ST8SIA2: variants seen among roughly 807,000 people sequenced by gnomAD.
The protein encoded by ST8SIA2 is alpha-2,8-sialyltransferase 8B.
Under a neutral mutation model 37.6 loss-of-function variants are expected in ST8SIA2, and 22 were observed. That is an observed-to-expected ratio of 0.58 (90% CI 0.42 to 0.83). ST8SIA2 has a LOEUF of 0.83. ST8SIA2 is among the 40% of genes least tolerant of loss of function. The pLI, the probability that ST8SIA2 is intolerant of heterozygous loss-of-function variation, is 0.00. For synonymous variants in ST8SIA2, 205 were observed against 201.2 expected (o/e 1.02, Z -0.16); for missense variants, 382 against 484.7 (o/e 0.79, Z 1.99).
chr15:92,457,913 A>G (rs1297062355), intron 5 of ST8SIA2, among the ~76,000 whole-genome samples: 1 of 152,182 alleles, frequency 6.6e-6, no homozygotes, highest in East Asian at 1.9e-4. Context: ...ATTCTGGGTG[A>G]AAAGCCTGGC....
intron 3 of ST8SIA2, among the ~76,000 whole-genome samples, chr15:92,435,942 A>T (rs1313634953): frequency 1.3e-5 from 2 of 151,896 alleles, no homozygotes; most frequent in Non-Finnish European, 2.9e-5. Flanking sequence ...AATTCTGAGC[A>T]CCCCCTTGCA....
rs34061544 is a variant in ST8SIA2, at chr15:92,418,462, C to CAA, written c.99-11567_99-11566dup. 2.1e-3 allele frequency among the ~76,000 whole-genome samples: 212 copies of CAA among 100,018 alleles called. 1 individual carries two copies. The highest frequency in any genetic ancestry group is 0.012 in the East Asian group (47 of 3,882). 65.6% of individuals were successfully genotyped at this position (100,018 alleles called of 152,430 possible). A position where few individuals can be genotyped will look rare whatever the true frequency, so the allele number is the denominator to read the frequency against. The stretch of plus-strand genomic sequence containing the variant: ...GGGCGACAGGAGTGAGACCCTCCCT[C>CAA]AAAAAAAAAAAAAAAAAAAAAGGCT... On this transcript the variant is annotated intron_variant, in intron 1 of 5. Coordinates refer to ENST00000268164, the MANE Select transcript of ST8SIA2 (RefSeq NM_006011.4).
chr15:92,394,734 T>A (rs1219881846), intron 1 of ST8SIA2, among the ~76,000 whole-genome samples: 1 of 151,952 alleles, frequency 6.6e-6, no homozygotes, highest in Non-Finnish European at 1.5e-5. Flanking sequence ...GAGCCCGGCG[T>A]AGGAGCTGGC....
intron 1 of ST8SIA2, among the ~76,000 whole-genome samples, chr15:92,412,195 A>G (rs992513519): frequency 6.6e-6 from 1 of 152,028 alleles, no homozygotes; most frequent in East Asian, 1.9e-4. Context: ...GAAGTGGGTG[A>G]GGGGTGGAGG....
intron 5 of ST8SIA2, among the ~76,000 whole-genome samples, chr15:92,447,129 G>A (rs897552498): frequency 1.3e-5 from 2 of 152,174 alleles, no homozygotes; most frequent in Non-Finnish European, 2.9e-5. Context: ...TTATGGCATG[G>A]GATATCTAAG....
At chr15:92,436,056 A>G (rs1567218778) in intron 3 of ST8SIA2, among the ~76,000 whole-genome samples, 1 of 151,508 alleles carries the variant, frequency 6.6e-6, no homozygotes, top group African/African-American at 2.4e-5. Flanking sequence ...CTGTGCTTCT[A>G]TCTTCTTCTC....
intron 3 of ST8SIA2, 52 bp downstream of exon 3, chr15:92,434,427 C>T (rs754812592): frequency 2.6e-5 from 42 of 1,612,724 alleles, no homozygotes; most frequent in Admixed American, 6.7e-5. Context: ...TGAGCATACA[C>T]GGGCAAATTG....
chr15:92,457,082 C>T (rs939677621), intron 5 of ST8SIA2, among the ~76,000 whole-genome samples: 1 of 152,220 alleles, frequency 6.6e-6, no homozygotes. Flanking sequence ...CTGTAGGGCC[C>T]CTGGATCACG....
rs2049828860 is a variant in ST8SIA2 at position 92,444,776 on chromosome 15, T to C, written c.689T>C (p.Leu230Pro). 2 of 1,614,014 alleles carry C rather than the reference T, an allele frequency of 1.2e-6. No homozygotes were observed. Among genetic ancestry groups the C allele is most frequent in the Non-Finnish European group, 1.7e-6 (2 of 1,180,044 alleles). The change falls in exon 5 of 6, where the codon CTG becomes CCG. Residue 230 changes from leucine to proline, a missense_variant. Leu to Pro is a moderately conservative substitution (Grantham distance 98). Coordinates refer to ENST00000268164, the MANE Select transcript of ST8SIA2 (RefSeq NM_006011.4). ...TGGCGGGAGAAGCTGCTGCAACGGC[T>C]GCACAGCCTCAATGGCAGCATCCTG... ...ATWREKLLQRLHSLNGSILWI... is the reference protein window; with the variant it reads ...ATWREKLLQRPHSLNGSILWI...
At chr15:92,463,231 C>T (rs997613629) in intron 5 of ST8SIA2, among the ~76,000 whole-genome samples, 1 of 152,250 alleles carries the variant, frequency 6.6e-6, no homozygotes, top group Non-Finnish European at 1.5e-5. Context: ...CTTCTCTCTT[C>T]ACTTCTCTTT....
intron 1 of ST8SIA2, among the ~76,000 whole-genome samples, chr15:92,419,779 C>T (rs1161678340): frequency 6.6e-6 from 1 of 152,124 alleles, no homozygotes. Flanking sequence ...TATGTATTGC[C>T]CTGGGTTTTA....
intron 1 of ST8SIA2, among the ~76,000 whole-genome samples, chr15:92,398,342 A>G (rs1227880168): frequency 2.0e-5 from 3 of 152,234 alleles, no homozygotes; most frequent in Non-Finnish European, 2.9e-5. Context: ...TTGTAACCCA[A>G]TGTCCTAATC....
intron 3 of ST8SIA2, among the ~76,000 whole-genome samples, chr15:92,436,809 G>A (rs188127726): frequency 2.0e-5 from 3 of 152,302 alleles, no homozygotes; most frequent in African/African-American, 7.2e-5. Context: ...AAAGACAATG[G>A]ATGAGACGCG....
intron 3 of ST8SIA2, among the ~76,000 whole-genome samples, chr15:92,438,033 C>T (rs569055689): frequency 1.3e-5 from 2 of 152,286 alleles, no homozygotes; most frequent in Non-Finnish European, 2.9e-5. Flanking sequence ...GGGTGGTGGG[C>T]CACCCTTCCT....
At chr15:92,436,285 T>G (rs1198582156) in intron 3 of ST8SIA2, among the ~76,000 whole-genome samples, 3 of 152,082 alleles carry the variant, frequency 2.0e-5, no homozygotes, top group Non-Finnish European at 4.4e-5. Flanking sequence ...CCTGCCAGTA[T>G]GAGCTACCCA....
At chr15:92,413,935 C>T (rs2049568872) in intron 1 of ST8SIA2, among the ~76,000 whole-genome samples, 1 of 152,232 alleles carries the variant, frequency 6.6e-6, no homozygotes, top group African/African-American at 2.4e-5. Flanking sequence ...TCTATAGGCA[C>T]CAGCCCAGAC....
At chr15:92,428,964 T>TA (rs906732914) in intron 1 of ST8SIA2, among the ~76,000 whole-genome samples, 32 of 152,220 alleles carry the variant, frequency 2.1e-4, no homozygotes, top group African/African-American at 7.7e-4. Context: ...TACAATGTGA[T>TA]ATATACAAGT....
intron 5 of ST8SIA2, 139 bp downstream of exon 5, chr15:92,445,068 T>A: frequency 1.6e-6 from 2 of 1,258,294 alleles, no homozygotes; most frequent in South Asian, 2.6e-5. Context: ...TCACCTGGCC[T>A]TTCTGAGCCT....
chr15:92,464,563 T>G lies in ST8SIA2; in HGVS notation c.*178T>G, dbSNP rs1034311089. Reference sequence around the variant, plus strand: ...CTGCATATATATATTGACCTGAGTATTTATAACTGTGTGGTGTTCATCTAG... The same window carrying G: ...CTGCATATATATATTGACCTGAGTAGTTATAACTGTGTGGTGTTCATCTAG... On this transcript the variant is annotated 3_prime_UTR_variant, in exon 6 of 6. Transcript: ENST00000268164. The G allele has an allele frequency of 1.4e-6, 1 of 695,300 alleles. No individual in the cohort carries two copies. The highest frequency in any genetic ancestry group is 1.8e-5 in the African/African-American group (1 of 56,090). The allele number at this position is 695,300 out of a possible 1,614,324, so 43.1% of individuals were successfully genotyped here.
Sources: allele counts gnomAD v4.1 joint callset (sites outside exome capture counted in the v4.1 genomes callset), GRCh38; gene constraint gnomAD v4.1.1; transcripts MANE v1.5; gene names NCBI Gene and HGNC (gene_info 2026-07-23, HGNC 2026-07-21).